The following AHRR variants were observed in gnomAD, a reference collection of about 807,000 sequenced individuals.
The protein encoded by AHRR is ahR repressor.
A neutral mutation model predicts 44.0 loss-of-function variants in AHRR; 28 were observed. The ratio of observed to expected loss-of-function variants is 0.64; its 90% CI spans 0.47 to 0.87. AHRR has a LOEUF of 0.87. AHRR is among the 40% of genes least tolerant of loss of function. AHRR has a pLI of 0.00. For missense variants in AHRR, 990 were observed against 953.9 expected (o/e 1.04, Z -0.50); for synonymous variants, 434 against 407.0 (o/e 1.07, Z -0.80).
rs1171986223 is a variant in AHRR at position 427,870 on chromosome 5, G to A, written c.772G>A (p.Ala258Thr). The change falls in exon 8 of 11, where the codon GCC (alanine) becomes ACC (threonine). Residue 258 changes from alanine to threonine, a missense_variant. Ala to Thr is a moderately conservative substitution (Grantham distance 58). Coordinates refer to ENST00000684583, the MANE Select transcript of AHRR (RefSeq NM_001377236.1). ...ACAGAAGAAGAAGGCGCCGTCAGGA[G>A]CCATGCTCCCGCCGCGGCTGTCGCT... Reference protein sequence around the residue: ...FGQKKKAPSGAMLPPRLSLFC... With the variant: ...FGQKKKAPSGTMLPPRLSLFC... 3.1e-6 allele frequency: 5 copies of A among 1,613,990 alleles called. No homozygotes were observed. The highest frequency in any genetic ancestry group is 1.3e-5 in the African/African-American group (1 of 74,942).
chr5:334,150 T>C (rs1248960413), intron 1 of AHRR, among the ~76,000 whole-genome samples: 1 of 152,202 alleles, frequency 6.6e-6, no homozygotes, highest in Non-Finnish European at 1.5e-5. Context: ...TAGAATTTGC[T>C]CTTTCACTTT....
At chr5:393,349 C>T (rs978789726) in intron 4 of AHRR, among the ~76,000 whole-genome samples, 4 of 152,248 alleles carry the variant, frequency 2.6e-5, no homozygotes, top group African/African-American at 4.8e-5. Flanking sequence ...CCAGGGCACC[C>T]GATCACGTCG....
At chr5:422,238 C>G (rs912461067) in intron 5 of AHRR, 1 of 183,438 alleles carries the variant, frequency 5.5e-6, no homozygotes, top group African/African-American at 2.4e-5. Flanking sequence ...CCCAGATTAG[C>G]TTCTGAGCAG....
At chr5:384,533 C>T (rs1734097771) in intron 4 of AHRR, among the ~76,000 whole-genome samples, 1 of 152,062 alleles carries the variant, frequency 6.6e-6, no homozygotes, top group Non-Finnish European at 1.5e-5. Flanking sequence ...AAGCGATTCT[C>T]CTGCCTCAGT....
At chr5:356,235 T>A (rs556968639) in intron 3 of AHRR, among the ~76,000 whole-genome samples, 4 of 152,232 alleles carry the variant, frequency 2.6e-5, no homozygotes, top group African/African-American at 9.6e-5. Context: ...GACAGTCTGC[T>A]GCTGCCTTGA....
Position 353,820 on chromosome 5 carries a change from G to C in AHRR, c.153G>C (p.Leu51=). ...AGTTGGACCACCTGGCCAGCCTGCTGCCGTTCCCGCCTGACATCATCTCCA... is the reference window on the plus strand; with the variant it reads ...AGTTGGACCACCTGGCCAGCCTGCTCCCGTTCCCGCCTGACATCATCTCCA... ...NAELDHLASL[L]PFPPDIISKL... Residue 51 remains leucine (L), a synonymous_variant, in exon 3 of 11, where the codon CTG becomes CTC. Transcript: ENST00000684583. 1.2e-6 allele frequency: 2 copies of C among 1,614,052 alleles called. No individual in the cohort carries two copies. The highest frequency in any genetic ancestry group is 1.7e-6 in the Non-Finnish European group (2 of 1,180,012).
At chr5:418,639 T>A (rs1735935817) in intron 5 of AHRR, 1 of 146,720 alleles carries the variant, frequency 6.8e-6, no homozygotes, top group African/African-American at 2.4e-5. Flanking sequence ...CTTCCAGGGG[T>A]CTACAAAGCT....
At chr5:355,697 T>C (rs1209354943) in intron 3 of AHRR, among the ~76,000 whole-genome samples, 1 of 152,224 alleles carries the variant, frequency 6.6e-6, no homozygotes, top group African/African-American at 2.4e-5. Flanking sequence ...CCCATCCTGC[T>C]GCCTGCCCCA....
rs567564600 is a variant in AHRR at position 406,053 on chromosome 5, G to A, written c.352-7291G>A. ...TGTATGAAACGCTCTACAGCCACCC[G>A]AAAAAGGTAGAAATTCTGCAACAAA... On this transcript the variant is annotated intron_variant, in intron 4 of 10. Transcript: ENST00000684583. This position sits in a 1 kb window ranked among gnomAD's most constrained non-coding sequence, Gnocchi z 4.7. Among the ~76,000 whole-genome samples the A allele has an allele frequency of 1.3e-5, 2 of 152,104 alleles. No homozygotes were observed. Among genetic ancestry groups the A allele is most frequent in the Non-Finnish European group, 1.5e-5 (1 of 68,018 alleles).
At position 436,742 on chromosome 5, in the gene AHRR, G is replaced by A. The variant is rs1015131340; in HGVS notation, c.*1908G>A. 6.6e-6 allele frequency: 1 copy of A among 152,470 alleles called. No homozygotes were observed. Among genetic ancestry groups the A allele is most frequent in the African/African-American group, 2.4e-5 (1 of 41,446 alleles). 9.4% of individuals were successfully genotyped at this position (152,470 alleles called of 1,614,324 possible). On this transcript the variant is annotated 3_prime_UTR_variant, in exon 11 of 11. Transcript: ENST00000684583. Reference sequence around the variant, plus strand: ...CACTGCCATCTCTCCCTTATCTGATGCCTAAAGTCACGATGGGGACAGAGC... The same window carrying A: ...CACTGCCATCTCTCCCTTATCTGATACCTAAAGTCACGATGGGGACAGAGC...
rs970919712 is a variant in AHRR, at chr5:404,059, T to G, written c.352-9285T>G. The G allele has an allele frequency of 4.3e-6, 3 of 701,450 alleles. No homozygotes were observed. Among genetic ancestry groups the G allele is most frequent in the Non-Finnish European group, 7.8e-6 (3 of 384,138 alleles). The allele number at this position is 701,450 out of a possible 1,614,324, so 43.5% of individuals were successfully genotyped here. ...CTGTTTAGTCTTTGCATCCAAATCATGTTGTCCAGCGTTTGAAGAAAAAGT... is the reference window on the plus strand; with the variant it reads ...CTGTTTAGTCTTTGCATCCAAATCAGGTTGTCCAGCGTTTGAAGAAAAAGT... On this transcript the variant is annotated intron_variant, in intron 4 of 10. Coordinates refer to ENST00000684583, the MANE Select transcript of AHRR (RefSeq NM_001377236.1). The surrounding 1 kb of genome is among the most constrained non-coding windows in gnomAD (Gnocchi z 4.1).
intron 4 of AHRR, among the ~76,000 whole-genome samples, chr5:393,435 G>T (rs750918057): frequency 6.6e-6 from 1 of 152,206 alleles, no homozygotes; most frequent in South Asian, 2.1e-4. Flanking sequence ...AACCTTCTGG[G>T]CACCTCCACG....
At chr5:396,908 G>A (rs1029134093) in intron 4 of AHRR, among the ~76,000 whole-genome samples, 2 of 151,834 alleles carry the variant, frequency 1.3e-5, no homozygotes, top group African/African-American at 4.8e-5. Context: ...AGAGGCTGCT[G>A]CAGGTGTCTG....
At chr5:401,124 C>T (rs1055272879) in intron 4 of AHRR, among the ~76,000 whole-genome samples, 1 of 152,364 alleles carries the variant, frequency 6.6e-6, no homozygotes, top group Non-Finnish European at 1.5e-5. Context: ...ACATGGCCCC[C>T]GGCTGCTTCA....
chr5:415,678 C>G (rs150200041), intron 5 of AHRR, among the ~76,000 whole-genome samples: 4,003 of 80,566 alleles, frequency 0.05, 44 homozygotes, highest in Non-Finnish European at 0.075. Context: ...TCTGCCTGGT[C>G]GGGCGGGAGG....
chr5:413,344 T>C lies in AHRR; in HGVS notation c.352T>C (p.Ser118Pro), dbSNP rs1560914311. 1 of 1,588,430 alleles carries C rather than the reference T, an allele frequency of 6.3e-7. No individual in the cohort carries two copies. The change falls in exon 5 of 11, where the codon TCT becomes CCT. Residue 118 changes from serine (S) to proline (P), a missense_variant and splice_region_variant. Coordinates refer to ENST00000684583, the MANE Select transcript of AHRR (RefSeq NM_001377236.1). ...TTTTTTGTTTTGTTTTTTCTTCTAG[T>C]CTCTTAATGGCTTTGCTCTGGTCGT... Reference protein sequence around the residue: ...AVLEGRLLLESLNGFALVVSA... With the variant: ...AVLEGRLLLEPLNGFALVVSA...
intron 5 of AHRR, among the ~76,000 whole-genome samples, chr5:415,428 AATCTGCCTG>A (rs1735710460): frequency 7.6e-6 from 1 of 130,948 alleles, no homozygotes; most frequent in African/African-American, 3.4e-5. Context: ...CTAGGGGCCG[AATCTGCCTG>A]GTCGGGCGGG....
chr5:424,063 G>C (rs10064386), intron 7 of AHRR, 86 bp downstream of exon 7: 27,737 of 1,525,994 alleles, frequency 0.018, 543 homozygotes, highest in Middle Eastern at 0.075. Context: ...GGCAAGAGGG[G>C]GTGGGGGCGT....
At chr5:424,109 G>C in intron 7 of AHRR, 132 bp downstream of exon 7, 2 of 1,338,266 alleles carry the variant, frequency 1.5e-6, no homozygotes, top group Non-Finnish European at 2.0e-6. Context: ...ACGGGGGCCG[G>C]TGCTGAGCTC....
Sources: allele counts gnomAD v4.1 joint callset (sites outside exome capture counted in the v4.1 genomes callset), GRCh38; gene constraint gnomAD v4.1.1; non-coding constraint Gnocchi (gnomAD v3.1); transcripts MANE v1.5; gene names NCBI Gene and HGNC (gene_info 2026-07-23, HGNC 2026-07-21).